The following NLGN4X variants were observed in gnomAD, a reference collection of about 807,000 sequenced individuals.
NLGN4X encodes neuroligin 4 X-linked.
In NLGN4X, 3 loss-of-function variants were observed where a neutral mutation model predicts 40.3. The ratio of observed to expected loss-of-function variants is 0.07; its 90% confidence interval spans 0.03 to 0.19. The LOEUF (loss-of-function observed/expected upper bound fraction) is 0.19, where lower values mean the gene tolerates loss of function less well. Among genes scored for constraint, NLGN4X ranks in the 10% least tolerant of loss-of-function variants. NLGN4X has a pLI of 1.00. For missense variants in NLGN4X, 382 were observed against 708.3 expected, an observed-to-expected ratio of 0.54 and a Z score of 5.23; for synonymous variants, 270 against 306.8, an observed-to-expected ratio of 0.88 and a Z score of 1.25.
chrX:6,195,394 G>A (rs915440239), intron 1 of NLGN4X, among the ~76,000 whole-genome samples: 1 of 112,047 alleles, frequency 8.9e-6, no homozygotes, highest in South Asian at 3.7e-4. Context: ...CTCAGGTGGG[G>A]ATTGAGACCA....
chrX:6,160,245 A>C (rs2040355810), intron 1 of NLGN4X, among the ~76,000 whole-genome samples: 2 of 112,163 alleles, frequency 1.8e-5, no homozygotes, highest in African/African-American at 6.5e-5. Flanking sequence ...CTATATCAAA[A>C]TATCTCATGT....
chrX:6,155,203 T>G (rs769274192), intron 1 of NLGN4X, among the ~76,000 whole-genome samples: 6 of 111,652 alleles, frequency 5.4e-5, no homozygotes, highest in Admixed American at 9.5e-5. Flanking sequence ...CCAGCCACGC[T>G]GAACGTCTGG....
At chrX:6,050,737 C>T (rs990479654) in intron 2 of NLGN4X, among the ~76,000 whole-genome samples, 1 of 110,143 alleles carries the variant, frequency 9.1e-6, no homozygotes, top group Non-Finnish European at 1.9e-5. Flanking sequence ...TCTATCTATC[C>T]ATCTCCATCA....
chrX:5,997,538 A>C (rs1332360521), intron 3 of NLGN4X, among the ~76,000 whole-genome samples: 4 of 106,267 alleles, frequency 3.8e-5, no homozygotes, highest in Non-Finnish European at 5.8e-5. Flanking sequence ...AAATTTATAA[A>C]TTATACACAT....
At chrX:6,023,967 G>A (rs979474650) in intron 3 of NLGN4X, among the ~76,000 whole-genome samples, 5 of 110,332 alleles carry the variant, frequency 4.5e-5, no homozygotes, top group Admixed American at 9.6e-5. Flanking sequence ...CTTTTACATC[G>A]AAGGTCTTTG....
At chrX:6,113,694 C>CAAAAAA in intron 2 of NLGN4X, among the ~76,000 whole-genome samples, 1 of 91,702 alleles carries the variant, frequency 1.1e-5, no homozygotes, top group Non-Finnish European at 2.2e-5. Flanking sequence ...GTGCTTGTTT[C>CAAAAAA]AAAAAAAAAA....
rs772564565 is a variant in NLGN4X, at chrX:6,052,690, T to A, written c.473-23258A>T. 3.6e-5 allele frequency among the ~76,000 whole-genome samples: 4 copies of A among 112,388 alleles called. No individual in the cohort carries two copies. In the South Asian group the frequency reaches 1.5e-3, roughly 42 times the overall value. On this transcript the variant is annotated intron_variant, in intron 2 of 5. Transcript: ENST00000381095. The stretch of plus-strand genomic sequence containing the variant: ...CCTGTGTATGTGTGCCTTTCCCAAC[T>A]GTTTTTGTTATATTTAGAATTGAAG...
chrX:5,953,315 G>C (rs1485992054), intron 3 of NLGN4X, among the ~76,000 whole-genome samples: 2 of 111,028 alleles, frequency 1.8e-5, no homozygotes, highest in African/African-American at 3.3e-5. Flanking sequence ...GATTGAGGCG[G>C]CAGTGAGCTA....
intron 1 of NLGN4X, among the ~76,000 whole-genome samples, chrX:6,179,255 C>T (rs1292158215): frequency 9.0e-6 from 1 of 111,271 alleles, no homozygotes; most frequent in East Asian, 2.8e-4. Context: ...CTCCTATCCA[C>T]TAATAACTGA....
intron 3 of NLGN4X, among the ~76,000 whole-genome samples, chrX:5,911,287 A>G (rs2032464073): frequency 8.9e-6 from 1 of 111,732 alleles, no homozygotes; most frequent in Non-Finnish European, 1.9e-5. Context: ...TTGTTGACTT[A>G]TTTTGTTTCT....
At chrX:5,937,887 T>C (rs2033784489) in intron 3 of NLGN4X, among the ~76,000 whole-genome samples, 1 of 112,448 alleles carries the variant, frequency 8.9e-6, no homozygotes, top group Non-Finnish European at 1.9e-5. Context: ...AATGGTTGCA[T>C]CCTTTTTTCC....
chrX:5,898,712 T>A (rs1238835450), intron 5 of NLGN4X, among the ~76,000 whole-genome samples: 1 of 111,966 alleles, frequency 8.9e-6, no homozygotes, highest in Non-Finnish European at 1.9e-5. Context: ...TCCTGTCACC[T>A]CCAGTGCTGG....
At chrX:6,132,824 C>T (rs1322809664) in intron 2 of NLGN4X, among the ~76,000 whole-genome samples, 1 of 110,935 alleles carries the variant, frequency 9.0e-6, no homozygotes, top group East Asian at 2.9e-4. Context: ...GCCATTCAGA[C>T]ATGTGGATCA....
At chrX:5,920,676 T>A (rs2032994391) in intron 3 of NLGN4X, among the ~76,000 whole-genome samples, 1 of 111,613 alleles carries the variant, frequency 9.0e-6, no homozygotes, top group Admixed American at 9.5e-5. Context: ...TGCAGCATCA[T>A]CCAAAGAGTG....
chrX:5,996,467 G>A lies in NLGN4X; in HGVS notation c.625+32813C>T, dbSNP rs181299041. ...ACTTACACAGAGCAAAGGAGGCTGT[G>A]GGATAATGAACAGCCAGCCCCTTGA... On this transcript the variant is annotated intron_variant, in intron 3 of 5. Coordinates refer to ENST00000381095, the MANE Select transcript of NLGN4X (RefSeq NM_181332.3). 1.7e-3 allele frequency among the ~76,000 whole-genome samples: 190 copies of A among 111,182 alleles called. 1 individual carries two copies. Among genetic ancestry groups the A allele is most frequent in the African/African-American group, 6.2e-3 (187 of 29,927 alleles).
At chrX:5,970,213 A>T (rs767382896) in intron 3 of NLGN4X, among the ~76,000 whole-genome samples, 209 of 110,327 alleles carry the variant, frequency 1.9e-3, no homozygotes, top group East Asian at 6.5e-3. Context: ...ATAATGATTT[A>T]AAAAAAAGGA....
At chrX:6,007,811 AT>A (rs748785815) in intron 3 of NLGN4X, among the ~76,000 whole-genome samples, 1 of 112,008 alleles carries the variant, frequency 8.9e-6, no homozygotes, top group South Asian at 3.7e-4. Context: ...TGGAAATTTA[AT>A]TATCAATTCA....
At chrX:6,173,064 A>G (rs779986947) in intron 1 of NLGN4X, among the ~76,000 whole-genome samples, 21 of 112,110 alleles carry the variant, frequency 1.9e-4, no homozygotes, top group Non-Finnish European at 3.4e-4. Context: ...ACAGATACGG[A>G]GTCTGGGCTC....
At chrX:5,947,555 A>C (rs1235224774) in intron 3 of NLGN4X, among the ~76,000 whole-genome samples, 1 of 112,206 alleles carries the variant, frequency 8.9e-6, no homozygotes, top group East Asian at 2.8e-4. Context: ...AATGCATACA[A>C]GTTCATGAAA....
Sources: allele counts gnomAD v4.1 joint callset (sites outside exome capture counted in the v4.1 genomes callset), GRCh38; gene constraint gnomAD v4.1.1; transcripts MANE v1.5; gene names NCBI Gene and HGNC (gene_info 2026-07-23, HGNC 2026-07-21).